Variants in AREL1 observed in about 807,000 individuals in gnomAD.
AREL1 encodes the protein apoptosis-resistant E3 ubiquitin protein ligase 1.
In AREL1, 62 loss-of-function variants were observed where a neutral mutation model predicts 99.0. That is an observed-to-expected ratio of 0.63 (90% confidence interval 0.51 to 0.77). The LOEUF (loss-of-function observed/expected upper bound fraction) is 0.77, where lower values mean the gene tolerates loss of function less well. AREL1 is among the 30% of genes least tolerant of loss of function. The probability of loss-of-function intolerance (pLI) is 0.00; values close to 1 mark genes in which losing one functional copy is unlikely to be tolerated. For missense variants in AREL1, 879 were observed against 1,027.6 expected (o/e 0.86, Z 1.98); for synonymous variants, 380 against 376.5 (o/e 1.01, Z -0.11).
rs933354615 is a variant in AREL1 at position 74,685,742 on chromosome 14, G to A, written c.-45-82C>T. The A allele has an allele frequency of 7.1e-6, 9 of 1,264,902 alleles. No individual in the cohort carries two copies. In the African/African-American group the frequency reaches 9.1e-5, roughly 13 times the overall value. The allele number at this position is 1,264,902 out of a possible 1,614,324, so 78.4% of individuals were successfully genotyped here. A position where few individuals can be genotyped will look rare whatever the true frequency, so the allele number is the denominator to read the frequency against. On this transcript the variant is annotated intron_variant, in intron 2 of 19. Transcript: ENST00000356357. ...AGAGTAAGACAAAGAAGAGTGTATG[G>A]CGTGAGCCAAACAACTCTCTCTAGT...
chr14:74,669,457 A>C (rs1282283904), intron 15 of AREL1, among the ~76,000 whole-genome samples, 192 bp downstream of exon 15: 1 of 152,248 alleles, frequency 6.6e-6, no homozygotes, highest in East Asian at 1.9e-4. Context: ...AGCAGCTGCT[A>C]GCCAAGTGTA....
chr14:74,675,683 G>A lies in AREL1; in HGVS notation c.1080+16C>T. On this transcript the variant is annotated intron_variant, in intron 8 of 19. Coordinates refer to ENST00000356357, the MANE Select transcript of AREL1 (RefSeq NM_001039479.2). ...TTCAAGCAGGGGGATTTTATGTCGA[G>A]AATGGAAGGTCCAACCTTTGGTGAC... 2 of 1,609,458 alleles carry A rather than the reference G, an allele frequency of 1.2e-6. No individual in the cohort carries two copies. The highest frequency in any genetic ancestry group is 1.7e-6 in the Non-Finnish European group (2 of 1,176,508).
intron 3 of AREL1, 74 bp from the exon 4 acceptor site, chr14:74,684,754 C>T (rs2089713148): frequency 1.4e-6 from 2 of 1,383,260 alleles, no homozygotes; most frequent in Non-Finnish European, 2.0e-6. Context: ...ACAGGCCAGC[C>T]ATTTCTCAAA....
chr14:74,707,943 T>G (rs2090216304), intron 1 of AREL1, among the ~76,000 whole-genome samples: 1 of 141,708 alleles, frequency 7.1e-6, no homozygotes, highest in Non-Finnish European at 1.5e-5. Flanking sequence ...GGCGACAGAG[T>G]GAGACCTTCG....
chr14:74,711,125 G>A (rs910211749), intron 1 of AREL1, among the ~76,000 whole-genome samples: 3 of 152,046 alleles, frequency 2.0e-5, no homozygotes, highest in African/African-American at 7.2e-5. Context: ...CAGCTACTCA[G>A]GAGGCTGAGG....
Position 74,675,917 on chromosome 14 carries a change from C to T in AREL1, c.862G>A (p.Val288Met). Reference sequence around the variant, plus strand: ...TAAATGCTCACGCCTGAAGTGGACACATTGCGTTCGACGATATTCTTCTCA... The same window carrying T: ...TAAATGCTCACGCCTGAAGTGGACATATTGCGTTCGACGATATTCTTCTCA... The part of the protein sequence containing the change: ...EDEKNIVERN[V>M]STSGVSIYFE... Residue 288 changes from valine (V) to methionine (M), a missense_variant, in exon 8 of 20, where the codon GTG becomes ATG. Coordinates refer to ENST00000356357, the MANE Select transcript of AREL1 (RefSeq NM_001039479.2). 6.2e-7 allele frequency: 1 copy of T among 1,605,072 alleles called. No individual in the cohort carries two copies. Among genetic ancestry groups the T allele is most frequent in the Non-Finnish European group, 8.5e-7 (1 of 1,174,412 alleles).
intron 13 of AREL1, 199 bp downstream of exon 13, chr14:74,670,563 G>C: frequency 3.7e-6 from 2 of 539,610 alleles, no homozygotes; most frequent in Non-Finnish European, 6.6e-6. Flanking sequence ...TCAGCTGCCT[G>C]CATTTTTGCT....
chr14:74,673,957 C>CTGAGAAAAA lies in AREL1; in HGVS notation c.1158+68_1158+76dup. The CTGAGAAAAA allele has an allele frequency of 3.1e-6, 4 of 1,311,256 alleles. No individual in the cohort carries two copies. In the Middle Eastern group the frequency reaches 7.4e-4, roughly 242 times the overall value. 81.2% of individuals were successfully genotyped at this position (1,311,256 alleles called of 1,614,324 possible). A position where few individuals can be genotyped will look rare whatever the true frequency, so the allele number is the denominator to read the frequency against. On this transcript the variant is annotated intron_variant, in intron 9 of 19. Coordinates refer to ENST00000356357, the MANE Select transcript of AREL1 (RefSeq NM_001039479.2). Reference sequence around the variant, plus strand: ...TCTTGCAGAAACACTAAAAGTGCTTCTGAGAAAAAATAAAAGGCTGAGATA... The same window carrying CTGAGAAAAA: ...TCTTGCAGAAACACTAAAAGTGCTTCTGAGAAAAATGAGAAAAAATAAAAGGCTGAGATA...
In AREL1 at chr14:74,664,004, G is replaced by A. The variant is rs1285803000; in HGVS notation, c.2264C>T (p.Thr755Ile). 3 of 1,614,088 alleles carry A rather than the reference G, an allele frequency of 1.9e-6. No homozygotes were observed. Among genetic ancestry groups the A allele is most frequent in the Admixed American group, 1.7e-5 (1 of 60,006 alleles). The change falls in exon 19 of 20, where the codon ACA becomes ATA. Residue 755 changes from threonine to isoleucine, a missense_variant. Thr to Ile is a moderately conservative substitution (Grantham distance 89). Transcript: ENST00000356357. ...AGGTGGTAGCTGAGAGGAGCCTGTTGTGAACTGAAGTAGCCGAGCCAACTC... is the reference window on the plus strand; with the variant it reads ...AGGTGGTAGCTGAGAGGAGCCTGTTATGAACTGAAGTAGCCGAGCCAACTC... ...QEELARLLQF[T>I]TGSSQLPPGG...
At chr14:74,688,003 AAATACT>A (rs974936908) in intron 2 of AREL1, among the ~76,000 whole-genome samples, 1 of 151,404 alleles carries the variant, frequency 6.6e-6, no homozygotes, top group African/African-American at 2.4e-5. Flanking sequence ...TTCGTCCAAC[AAATACT>A]GAGTACTTAC....
chr14:74,688,305 G>A lies in AREL1; in HGVS notation c.-45-2645C>T, dbSNP rs896975289. On this transcript the variant is annotated intron_variant, in intron 2 of 19. Transcript: ENST00000356357. Reference sequence around the variant, plus strand: ...CTCCCAAAGTGCTGGGATTACAGGCGTGAGCCACCACGCCCGGCCCTGAGT... The same window carrying A: ...CTCCCAAAGTGCTGGGATTACAGGCATGAGCCACCACGCCCGGCCCTGAGT... Among the ~76,000 whole-genome samples, 8 of 152,188 alleles carry A rather than the reference G, an allele frequency of 5.3e-5. No homozygotes were observed. In the East Asian group the frequency reaches 1.4e-3, roughly 26 times the overall value.
At chr14:74,672,202 A>T (rs778641332) in intron 11 of AREL1, among the ~76,000 whole-genome samples, 2 of 152,230 alleles carry the variant, frequency 1.3e-5, no homozygotes, top group African/African-American at 2.4e-5. Flanking sequence ...CCTGCCCTAC[A>T]TGGGAGTTCC....
At chr14:74,704,884 G>A (rs1280411583) in intron 1 of AREL1, among the ~76,000 whole-genome samples, 1 of 151,994 alleles carries the variant, frequency 6.6e-6, no homozygotes, top group Non-Finnish European at 1.5e-5. Context: ...TTATCTAAAC[G>A]TTTCACAAGA....
Position 74,712,908 on chromosome 14 carries a change from G to A in AREL1, c.-334+25C>T, listed in dbSNP as rs562256207. 2.4e-4 allele frequency: 152 copies of A among 639,930 alleles called. 5 individuals are homozygous for A. The highest frequency in any genetic ancestry group is 2.0e-3 in the South Asian group (129 of 65,262). 39.6% of individuals were successfully genotyped at this position (639,930 alleles called of 1,614,324 possible). On this transcript the variant is annotated intron_variant, in intron 1 of 19. Coordinates refer to ENST00000356357, the MANE Select transcript of AREL1 (RefSeq NM_001039479.2). Reference sequence around the variant, plus strand: ...GGTAAAGGCAGGTCTTCTGGGCTCTGCCTAAGGCTGGAGAGAAACGTTACC... The same window carrying A: ...GGTAAAGGCAGGTCTTCTGGGCTCTACCTAAGGCTGGAGAGAAACGTTACC...
intron 5 of AREL1, among the ~76,000 whole-genome samples, chr14:74,680,063 C>A (rs993177774): frequency 1.3e-5 from 2 of 151,770 alleles, no homozygotes; most frequent in African/African-American, 4.8e-5. Flanking sequence ...GTAATCCCAG[C>A]TACTCAGGAG....
At position 74,684,650 on chromosome 14, in the gene AREL1, A is replaced by C. The variant is rs1490794268; in HGVS notation, c.47T>G (p.Phe16Cys). ...GGITVSVVAF[F>C]FTIKFLFELA... ...CTCAAAGAGGAACTTAATTGTGAAGAAGAATGCAACCACAGACACTGTGAT... is the reference window on the plus strand; with the variant it reads ...CTCAAAGAGGAACTTAATTGTGAAGCAGAATGCAACCACAGACACTGTGAT... The change falls in exon 4 of 20, where the codon TTC becomes TGC. Residue 16 changes from phenylalanine to cysteine, a missense_variant. Physicochemically the swap from Phe to Cys is radical, Grantham distance 205. Transcript: ENST00000356357. 1.2e-6 allele frequency: 2 copies of C among 1,614,204 alleles called. No individual in the cohort carries two copies. The highest frequency in any genetic ancestry group is 2.2e-5 in the South Asian group (2 of 91,080).
At chr14:74,704,495 C>T (rs2139985218) in intron 1 of AREL1, among the ~76,000 whole-genome samples, 1 of 151,992 alleles carries the variant, frequency 6.6e-6, no homozygotes, top group East Asian at 1.9e-4. Context: ...TCTGATTAGC[C>T]CTTCCAAAGA....
At chr14:74,696,306 TTGCAATG>T (rs2089978348) in intron 1 of AREL1, among the ~76,000 whole-genome samples, 1 of 152,240 alleles carries the variant, frequency 6.6e-6, no homozygotes, top group Admixed American at 6.5e-5. Context: ...ATTACAAAAC[TTGCAATG>T]TTATGCAAAC....
intron 5 of AREL1, among the ~76,000 whole-genome samples, chr14:74,681,855 T>C (rs2089637209): frequency 1.3e-5 from 2 of 151,596 alleles, no homozygotes; most frequent in Admixed American, 6.6e-5. Context: ...ATCCTTGTGA[T>C]GATGGAAATG....
Sources: allele counts gnomAD v4.1 joint callset (sites outside exome capture counted in the v4.1 genomes callset), GRCh38; gene constraint gnomAD v4.1.1; transcripts MANE v1.5; gene names NCBI Gene and HGNC (gene_info 2026-07-23, HGNC 2026-07-21).